CTNNA2: variants seen among roughly 807,000 people sequenced by gnomAD.
CTNNA2 encodes catenin alpha 2, also known as catenin alpha-2.
CTNNA2 carries 42 observed loss-of-function variants against 101.0 expected under a neutral mutation model. The observed-to-expected ratio is 0.42, with a 90% CI of 0.32 to 0.54. The LOEUF is 0.54. CTNNA2 is among the 20% of genes least tolerant of loss of function. The pLI is 0.14. For missense variants in CTNNA2, 871 were observed against 1,223.1 expected (o/e 0.71, Z 4.29); for synonymous variants, 450 against 456.4 (o/e 0.99, Z 0.18).
intron 8 of CTNNA2, among the ~76,000 whole-genome samples, chr2:80,409,916 T>C (rs10203037): frequency 6.6e-6 from 1 of 152,158 alleles, no homozygotes; most frequent in Non-Finnish European, 1.5e-5. Flanking sequence ...ATAAGAGAAC[T>C]TTTTTAGTTT....
At chr2:79,762,763 A>C (rs2105094870) in intron 3 of CTNNA2, among the ~76,000 whole-genome samples, 1 of 152,332 alleles carries the variant, frequency 6.6e-6, no homozygotes, top group South Asian at 2.1e-4. Flanking sequence ...TTCAAGAAGA[A>C]TATACATTCT....
intron 9 of CTNNA2, among the ~76,000 whole-genome samples, chr2:80,434,872 A>G (rs536628943): frequency 6.6e-6 from 1 of 152,186 alleles, no homozygotes; most frequent in African/African-American, 2.4e-5. Context: ...CACTATGGAG[A>G]GATGCTAACT....
intron 4 of CTNNA2, among the ~76,000 whole-genome samples, chr2:79,382,910 A>C (rs371375310): frequency 6.6e-6 from 1 of 152,202 alleles, no homozygotes; most frequent in Non-Finnish European, 1.5e-5. Context: ...CACCACGCCC[A>C]GCCATAAACT....
intron 7 of CTNNA2, among the ~76,000 whole-genome samples, chr2:80,286,590 C>T (rs1229642540): frequency 6.6e-6 from 1 of 152,166 alleles, no homozygotes; most frequent in Non-Finnish European, 1.5e-5. Context: ...TGCTGGGCTG[C>T]CTCCATGCTC....
At chr2:80,219,033 A>C (rs944796937) in intron 7 of CTNNA2, among the ~76,000 whole-genome samples, 2 of 152,168 alleles carry the variant, frequency 1.3e-5, no homozygotes, top group African/African-American at 4.8e-5. Flanking sequence ...GGTTACTTGG[A>C]TATCGTGGCA....
At chr2:80,100,981 C>G (rs764984515) in intron 7 of CTNNA2, among the ~76,000 whole-genome samples, 7 of 152,124 alleles carry the variant, frequency 4.6e-5, no homozygotes, top group Non-Finnish European at 7.4e-5. Flanking sequence ...AAAAACATCC[C>G]TTTGTTTCTC....
At chr2:79,347,788 CTTTTT>C (rs35044310) in intron 3 of CTNNA2, among the ~76,000 whole-genome samples, 9 of 132,684 alleles carry the variant, frequency 6.8e-5, no homozygotes, top group East Asian at 2.2e-4. Context: ...CCTAGCCTTC[CTTTTT>C]TTTTTTTTTT....
Position 79,909,756 on chromosome 2 carries a change from C to A in CTNNA2, c.1015C>A (p.Arg339=). ...GATCGTGGCGGAGTGCAACGCCGTG[C>A]GGCAGGCGCTCCAGGACCTGCTCAG... ...ERIVAECNAV[R]QALQDLLSEY... is the part of the protein sequence containing the mutation. Residue 339 remains arginine, a synonymous_variant, in exon 7 of 19, where the codon CGG becomes AGG. Transcript: ENST00000402739. 1 of 1,612,690 alleles carries A rather than the reference C, an allele frequency of 6.2e-7. No homozygotes were observed. The highest frequency in any genetic ancestry group is 8.5e-7 in the Non-Finnish European group (1 of 1,179,310).
intron 4 of CTNNA2, among the ~76,000 whole-genome samples, chr2:79,406,630 G>A (rs1022580101): frequency 6.6e-6 from 1 of 151,984 alleles, no homozygotes; most frequent in African/African-American, 2.4e-5. Flanking sequence ...TGTTGACAAG[G>A]AGTTAAAGGT....
chr2:80,200,803 G>T (rs968336289), intron 7 of CTNNA2, among the ~76,000 whole-genome samples: 4 of 151,796 alleles, frequency 2.6e-5, no homozygotes, highest in African/African-American at 9.7e-5. Context: ...CAAAGTGCTG[G>T]GATTACAGGC....
intron 1 of CTNNA2, among the ~76,000 whole-genome samples, chr2:79,625,865 G>T (rs1366785215): frequency 6.6e-6 from 1 of 152,212 alleles, no homozygotes; most frequent in African/African-American, 2.4e-5. Flanking sequence ...TTAGCTCAAG[G>T]TAGGTATTTG....
intron 3 of CTNNA2, among the ~76,000 whole-genome samples, chr2:79,372,877 G>A (rs1359251224): frequency 6.6e-6 from 1 of 152,132 alleles, no homozygotes; most frequent in East Asian, 1.9e-4. Flanking sequence ...AAAAAGAGAA[G>A]TTGCTAAAAC....
chr2:79,206,472 T>C (rs895038660), intron 2 of CTNNA2, among the ~76,000 whole-genome samples: 3 of 152,212 alleles, frequency 2.0e-5, no homozygotes, highest in Non-Finnish European at 2.9e-5. Flanking sequence ...GTGCTTTTTA[T>C]GCACCCTTTT....
intron 4 of CTNNA2, among the ~76,000 whole-genome samples, chr2:79,374,743 A>G (rs1280947227): frequency 7.2e-6 from 1 of 139,754 alleles, no homozygotes; most frequent in Non-Finnish European, 1.5e-5. Flanking sequence ...ATTTGATTGC[A>G]CTACAAATGT....
chr2:79,402,295 A>G (rs551910489), intron 4 of CTNNA2, among the ~76,000 whole-genome samples: 1 of 151,770 alleles, frequency 6.6e-6, no homozygotes, highest in Non-Finnish European at 1.5e-5. Flanking sequence ...AACATTATAA[A>G]TGAACTATTA....
At chr2:79,328,130 C>G (rs1304266947) in intron 3 of CTNNA2, among the ~76,000 whole-genome samples, 2 of 152,100 alleles carry the variant, frequency 1.3e-5, no homozygotes, top group African/African-American at 4.8e-5. Context: ...TAAATTAGAT[C>G]CAGAGTAGGC....
chr2:80,335,784 A>G (rs191427592), intron 7 of CTNNA2, among the ~76,000 whole-genome samples: 1 of 152,322 alleles, frequency 6.6e-6, no homozygotes, highest in East Asian at 1.9e-4. Flanking sequence ...CTGTGAATTG[A>G]AGGCTTCTGA....
chr2:79,287,455 G>A (rs12986923), intron 2 of CTNNA2, among the ~76,000 whole-genome samples: 77,030 of 151,742 alleles, frequency 0.51, 21,529 homozygotes, highest in East Asian at 0.7. Flanking sequence ...CTTTCTGTTT[G>A]TTAGTTTTCC....
chr2:79,552,093 A>G (rs1170748639), intron 1 of CTNNA2, among the ~76,000 whole-genome samples: 1 of 152,164 alleles, frequency 6.6e-6, no homozygotes, highest in Non-Finnish European at 1.5e-5. Flanking sequence ...CTCACTTGAG[A>G]CAAGGCAAAT....
Sources: gnomAD v4.1 joint callset for allele counts (sites outside exome capture counted in the v4.1 genomes callset) on GRCh38, gnomAD v4.1.1 for gene constraint, MANE v1.5 for transcripts, NCBI Gene and HGNC (gene_info 2026-07-23, HGNC 2026-07-21) for gene names.